The following NDUFA13 variants were observed in gnomAD, a reference collection of about 807,000 sequenced individuals.
NDUFA13 encodes the protein NADH:ubiquinone oxidoreductase subunit A13, also known as NADH dehydrogenase [ubiquinone] 1 alpha subcomplex subunit 13.
Under a neutral mutation model 17.0 loss-of-function variants are expected in NDUFA13, and 16 were observed. That is an observed-to-expected ratio of 0.94 (90% CI 0.64 to 1.43). NDUFA13 has a LOEUF of 1.43. Ranked by LOEUF, NDUFA13 falls within the 40% of genes most tolerant of loss-of-function variation. NDUFA13 has a pLI of 0.00. For missense variants in NDUFA13, 228 were observed against 206.7 expected (o/e 1.10, Z -0.63); for synonymous variants, 87 against 78.4 (o/e 1.11, Z -0.58).
At chr19:19,517,536 A>C (rs2061055674) in intron 1 of NDUFA13, among the ~76,000 whole-genome samples, 1 of 152,144 alleles carries the variant, frequency 6.6e-6, no homozygotes, top group Non-Finnish European at 1.5e-5. Context: ...TAACAAATCA[A>C]ACTTTACATT....
intron 1 of NDUFA13, among the ~76,000 whole-genome samples, chr19:19,524,993 C>T (rs1230939554): frequency 6.6e-6 from 1 of 151,972 alleles, no homozygotes; most frequent in Non-Finnish European, 1.5e-5. Flanking sequence ...GCCATGATTG[C>T]GCCCCTGCAC....
intron 2 of NDUFA13, 113 bp downstream of exon 2, chr19:19,526,373 G>A: frequency 1.7e-6 from 2 of 1,177,494 alleles, no homozygotes; most frequent in East Asian, 2.5e-5. Flanking sequence ...CCTTGGACTT[G>A]GCTGTGCAAT....
At position 19,525,993 on chromosome 19, in the gene NDUFA13, C is replaced by T. The variant is rs1470046938; in HGVS notation, c.95-189C>T. ...AACCACCATCTAGACCCTCAGGCCTCCTGAGGTTGCTGCCTGGCTTGTACC... is the reference window on the plus strand; with the variant it reads ...AACCACCATCTAGACCCTCAGGCCTTCTGAGGTTGCTGCCTGGCTTGTACC... On this transcript the variant is annotated intron_variant, in intron 1 of 4. Coordinates refer to ENST00000507754, the MANE Select transcript of NDUFA13 (RefSeq NM_015965.7). The T allele has an allele frequency of 6.8e-6, 10 of 1,462,816 alleles. No homozygotes were observed. In the Admixed American group the frequency reaches 2.3e-4, roughly 33 times the overall value. The allele number at this position is 1,462,816 out of a possible 1,614,324, so 90.6% of individuals were successfully genotyped here. A position where few individuals can be genotyped will look rare whatever the true frequency, so the allele number is the denominator to read the frequency against.
chr19:19,527,735 G>A lies in NDUFA13; in HGVS notation c.280G>A (p.Glu94Lys), dbSNP rs1403540306. The A allele has an allele frequency of 1.3e-6, 2 of 1,552,896 alleles. No homozygotes were observed. Among genetic ancestry groups the A allele is most frequent in the Non-Finnish European group, 1.7e-6 (2 of 1,147,514 alleles). ...GATGCTTCGGGAGAACCTGGAGGAG[G>A]AGGCCATCATCATGAAGGACGTGCC... ...LQMLRENLEE[E>K]AIIMKDVPDW... Residue 94 changes from glutamate to lysine, a missense_variant, in exon 4 of 5, where the codon GAG becomes AAG. By Grantham distance (56) the Glu-to-Lys change is moderately conservative (BLOSUM62 1). Coordinates refer to ENST00000507754, the MANE Select transcript of NDUFA13 (RefSeq NM_015965.7).
chr19:19,520,577 C>T (rs1338770815), intron 1 of NDUFA13, among the ~76,000 whole-genome samples: 2 of 152,154 alleles, frequency 1.3e-5, no homozygotes, highest in African/African-American at 4.8e-5. Flanking sequence ...TTGCAGTGAG[C>T]CAAGATCTTG....
At chr19:19,518,618 C>T (rs2061061339) in intron 1 of NDUFA13, among the ~76,000 whole-genome samples, 1 of 150,764 alleles carries the variant, frequency 6.6e-6, no homozygotes, top group South Asian at 2.1e-4. Context: ...GGCTGGAGTG[C>T]AGTGGCGTGA....
chr19:19,519,997 CAG>C (rs1313063547), intron 1 of NDUFA13, among the ~76,000 whole-genome samples: 2 of 108,280 alleles, frequency 1.8e-5, no homozygotes, highest in African/African-American at 7.0e-5. Context: ...TTTTTTGAGA[CAG>C]AGTCTTGTTC....
At position 19,525,756 on chromosome 19, in the gene NDUFA13, A is replaced by G. The variant is rs539051115; in HGVS notation, c.95-426A>G. Among the ~76,000 whole-genome samples, 11 of 148,992 alleles carry G rather than the reference A, an allele frequency of 7.4e-5. No homozygotes were observed. The East Asian group carries it at 2.1e-3, about 29-fold the overall frequency. On this transcript the variant is annotated intron_variant, in intron 1 of 4. Coordinates refer to ENST00000507754, the MANE Select transcript of NDUFA13 (RefSeq NM_015965.7). Reference sequence around the variant, plus strand: ...GCCAAGAGGTAGCACGGCCACCCCTAGAGTCCGGGGGGTGGCTGGGCAGCC... The same window carrying G: ...GCCAAGAGGTAGCACGGCCACCCCTGGAGTCCGGGGGGTGGCTGGGCAGCC...
At chr19:19,517,492 A>G (rs556957491) in intron 1 of NDUFA13, among the ~76,000 whole-genome samples, 2 of 152,276 alleles carry the variant, frequency 1.3e-5, no homozygotes, top group African/African-American at 4.8e-5. Flanking sequence ...GACTATCGGC[A>G]TGAGCTACCG....
chr19:19,523,605 C>A (rs760738456), intron 1 of NDUFA13, among the ~76,000 whole-genome samples: 1 of 151,842 alleles, frequency 6.6e-6, no homozygotes, highest in Non-Finnish European at 1.5e-5. Flanking sequence ...ACCACAGATA[C>A]GTGCCACCAC....
At chr19:19,524,553 C>G (rs1311486994) in intron 1 of NDUFA13, among the ~76,000 whole-genome samples, 1 of 152,180 alleles carries the variant, frequency 6.6e-6, no homozygotes, top group Non-Finnish European at 1.5e-5. Flanking sequence ...GGCACGGTGG[C>G]TCACGCCTGT....
intron 1 of NDUFA13, among the ~76,000 whole-genome samples, chr19:19,523,784 G>C (rs1372777834): frequency 1.3e-5 from 2 of 152,118 alleles, no homozygotes; most frequent in African/African-American, 4.8e-5. Context: ...CAAAAATTTA[G>C]CTGGGCACAG....
chr19:19,521,884 G>GA (rs2061079842), intron 1 of NDUFA13, among the ~76,000 whole-genome samples: 1 of 151,148 alleles, frequency 6.6e-6, no homozygotes, highest in Non-Finnish European at 1.5e-5. Flanking sequence ...TTACAGGTGT[G>GA]AGCCACTGCG....
chr19:19,526,661 A>G (rs919310473), intron 2 of NDUFA13: 1 of 340,062 alleles, frequency 2.9e-6, no homozygotes, highest in Non-Finnish European at 5.8e-6. Flanking sequence ...GGATTTTGTC[A>G]GAGGTGACCA....
chr19:19,526,137 T>G (rs1600349247), intron 1 of NDUFA13, 45 bp from the exon 2 acceptor site: 1 of 1,603,268 alleles, frequency 6.2e-7, no homozygotes. Flanking sequence ...TGGAGGAGGG[T>G]GTCTGGGGGC....
intron 1 of NDUFA13, among the ~76,000 whole-genome samples, chr19:19,517,620 A>G (rs934875010): frequency 2.6e-5 from 4 of 152,240 alleles, no homozygotes; most frequent in Admixed American, 2.6e-4. Context: ...TTAAAAACGT[A>G]ATAATTCAGA....
chr19:19,526,752 C>T (rs2061101441), intron 2 of NDUFA13: 1 of 291,420 alleles, frequency 3.4e-6, no homozygotes. Context: ...CCCTGTGTCA[C>T]AGGCTGGGCA....
rs202132650 is a variant in NDUFA13 at position 19,527,303 on chromosome 19, G to C, written c.196G>C (p.Glu66Gln). Residue 66 changes from glutamate to glutamine, a missense_variant, in exon 3 of 5, where the codon GAG becomes CAG. Transcript: ENST00000507754. ...ERRRLQIEDF[E>Q]ARIALLPLLQ... is the part of the protein sequence containing the mutation. Reference sequence around the variant, plus strand: ...CAGGCGCCTACAAATCGAGGACTTCGAGGCTCGCATCGCGCTGTTGCCACT... The same window carrying C: ...CAGGCGCCTACAAATCGAGGACTTCCAGGCTCGCATCGCGCTGTTGCCACT... The C allele has an allele frequency of 7.4e-6, 12 of 1,613,972 alleles. No homozygotes were observed. The South Asian group carries it at 1.2e-4, about 16-fold the overall frequency.
At chr19:19,520,663 C>A (rs948411885) in intron 1 of NDUFA13, among the ~76,000 whole-genome samples, 2 of 152,104 alleles carry the variant, frequency 1.3e-5, no homozygotes, top group African/African-American at 4.8e-5. Context: ...GAAGTGTGTC[C>A]AATTTATTGA....
Sources: gnomAD v4.1 joint callset for allele counts (sites outside exome capture counted in the v4.1 genomes callset) on GRCh38, gnomAD v4.1.1 for gene constraint, MANE v1.5 for transcripts, NCBI Gene and HGNC (gene_info 2026-07-23, HGNC 2026-07-21) for gene names.